Variants in ARHGEF19 observed in about 807,000 individuals in gnomAD.
ARHGEF19 encodes Rho guanine nucleotide exchange factor 19.
In ARHGEF19, 92 loss-of-function variants were observed where a neutral mutation model predicts 87.6. The observed-to-expected ratio is 1.05, with a 90% CI of 0.89 to 1.25. ARHGEF19 has a LOEUF of 1.25. ARHGEF19 is among the 50% of genes most tolerant of loss of function. ARHGEF19 has a pLI of 0.00. For synonymous variants in ARHGEF19, 438 were observed against 446.2 expected, an observed-to-expected ratio of 0.98 and a Z score of 0.23; for missense variants, 1,054 against 1,051.8, an observed-to-expected ratio of 1.00 and a Z score of -0.03.
intron 14 of ARHGEF19, 108 bp downstream of exon 14, chr1:16,201,674 G>C: frequency 8.5e-7 from 1 of 1,170,468 alleles, no homozygotes; most frequent in Non-Finnish European, 1.2e-6. Flanking sequence ...CCCAGAAGTT[G>C]GTCTCTCTCC....
Position 16,207,599 on chromosome 1 carries a change from C to T in ARHGEF19, c.798-1G>A, listed in dbSNP as rs984351777. The T allele has an allele frequency of 2.5e-6, 4 of 1,613,990 alleles. No individual in the cohort carries two copies. The Admixed American group carries it at 6.7e-5, about 27-fold the overall frequency. On this transcript the variant is annotated splice_acceptor_variant, in intron 4 of 15. Transcript: ENST00000270747. LOFTEE classifies it high-confidence loss of function. The surrounding 1 kb of genome is among the most constrained non-coding windows in gnomAD (Gnocchi z 4.0). ...AGGCGGCTCTTCCTGTGTGTCTAGC[C>T]TAGGAAAGAGAGAGCGTCACGGCCC...
intron 14 of ARHGEF19, among the ~76,000 whole-genome samples, chr1:16,201,273 GCTCT>G (rs758059705): frequency 6.6e-6 from 1 of 152,130 alleles, no homozygotes; most frequent in Non-Finnish European, 1.5e-5. Context: ...CTATAGGAAG[GCTCT>G]CTATGATTAG....
Position 16,208,883 on chromosome 1 carries a change from G to T in ARHGEF19, c.172C>A (p.Leu58Ile). ...GACCAGCGGCTGCCAGGAGCCCGAA[G>T]CTCCTCTGGGGCAACAGGGAAAAGG... ...LDLFPVAPEE[L>I]RAPGSRWSLG... Residue 58 changes from leucine to isoleucine, a missense_variant, in exon 2 of 16, where the codon CTT becomes ATT. Transcript: ENST00000270747. 6.2e-7 allele frequency: 1 copy of T among 1,602,800 alleles called. No individual in the cohort carries two copies.
rs1471935438 is a variant in ARHGEF19, at chr1:16,206,144, G to A, written c.1298+36C>T. 1.3e-6 allele frequency: 2 copies of A among 1,584,086 alleles called. No homozygotes were observed. Among genetic ancestry groups the A allele is most frequent in the South Asian group, 1.1e-5 (1 of 87,020 alleles). ...TGGGAGCTGGCCAACCACTGGCTCC[G>A]TCCCCACCCCGGGCCAGGCCAGACC... On this transcript the variant is annotated intron_variant, in intron 7 of 15. Transcript: ENST00000270747. This position sits in a 1 kb window ranked among gnomAD's most constrained non-coding sequence, Gnocchi z 4.6.
chr1:16,198,722 C>T lies in ARHGEF19; in HGVS notation c.2274G>A (p.Leu758=). 15 of 1,608,726 alleles carry T rather than the reference C, an allele frequency of 9.3e-6. No individual in the cohort carries two copies. The highest frequency in any genetic ancestry group is 1.3e-5 in the Non-Finnish European group (15 of 1,176,986). ...TSDGWLEGVR[L]ADGEKGWVPQ... is the part of the protein sequence containing the mutation. ...GCACCCACCCCTTCTCACCATCTGC[C>T]AGGCGGACCCCTTCCAGCCAGCCTA... The change falls in exon 16 of 16, where the codon CTG becomes CTA. Residue 758 remains leucine, a synonymous_variant. Coordinates refer to ENST00000270747, the MANE Select transcript of ARHGEF19 (RefSeq NM_153213.5). The surrounding 1 kb of genome is among the most constrained non-coding windows in gnomAD (Gnocchi z 4.1).
chr1:16,207,883 G>GGGGGC lies in ARHGEF19; in HGVS notation c.694+60_694+61insGCCCC. 6.8e-7 allele frequency: 1 copy of GGGGGC among 1,476,432 alleles called. No homozygotes were observed. Among genetic ancestry groups the GGGGGC allele is most frequent in the Non-Finnish European group, 9.4e-7 (1 of 1,069,262 alleles). 91.5% of individuals were successfully genotyped at this position (1,476,432 alleles called of 1,614,324 possible). A position where few individuals can be genotyped will look rare whatever the true frequency, so the allele number is the denominator to read the frequency against. Reference sequence around the variant, plus strand: ...CTCAGGCGGCCGGTGAGTGGGCATCGCCCACCCCCACCCCCACCCGGCATC... The same window carrying GGGGGC: ...CTCAGGCGGCCGGTGAGTGGGCATCGGGGGCCCCACCCCCACCCCCACCCGGCATC... On this transcript the variant is annotated intron_variant, in intron 3 of 15. Coordinates refer to ENST00000270747, the MANE Select transcript of ARHGEF19 (RefSeq NM_153213.5). This position sits in a 1 kb window ranked among gnomAD's most constrained non-coding sequence, Gnocchi z 4.0.
intron 12 of ARHGEF19, among the ~76,000 whole-genome samples, chr1:16,203,382 G>T (rs183674461): frequency 6.6e-6 from 1 of 152,144 alleles, no homozygotes; most frequent in Admixed American, 6.5e-5. Flanking sequence ...TGGTAGCTAT[G>T]TCCTGTCTTT....
At chr1:16,202,793 G>A (rs530504418) in intron 12 of ARHGEF19, among the ~76,000 whole-genome samples, 63 of 152,316 alleles carry the variant, frequency 4.1e-4, no homozygotes, top group Middle Eastern at 3.4e-3. Flanking sequence ...GGAGGTGATG[G>A]AGACCAGTCC....
At chr1:16,209,679 C>T (rs866061926) in intron 1 of ARHGEF19, among the ~76,000 whole-genome samples, 20 of 152,242 alleles carry the variant, frequency 1.3e-4, no homozygotes, top group Middle Eastern at 3.2e-3. Flanking sequence ...CTGACCCGTC[C>T]GATATTTACA....
intron 2 of ARHGEF19, 98 bp from the exon 3 acceptor site, chr1:16,208,323 C>T (rs1557542864): frequency 7.1e-7 from 1 of 1,406,242 alleles, no homozygotes; most frequent in Non-Finnish European, 9.5e-7. Flanking sequence ...GAGGTTCAGG[C>T]ACCATGCCCA....
At chr1:16,203,306 G>C (rs750923971) in intron 12 of ARHGEF19, among the ~76,000 whole-genome samples, 5 of 152,098 alleles carry the variant, frequency 3.3e-5, no homozygotes, top group African/African-American at 4.8e-5. Flanking sequence ...GACCCCACCA[G>C]TTTGCCCAAG....
At chr1:16,208,552 A>G (rs772884177) in intron 2 of ARHGEF19, 91 bp downstream of exon 2, 240 of 1,441,954 alleles carry the variant, frequency 1.7e-4, no homozygotes, top group Non-Finnish European at 2.1e-4. Context: ...CTTTTGGGGG[A>G]ACCTTGGGAC....
At chr1:16,199,311 C>A in intron 14 of ARHGEF19, 57 bp from the exon 15 acceptor site, 3 of 1,466,540 alleles carry the variant, frequency 2.0e-6, no homozygotes, top group Admixed American at 1.7e-5. Flanking sequence ...GGGGGAGGAG[C>A]ATGGGTAGGG....
In ARHGEF19 at chr1:16,207,312, G is replaced by A. The variant is rs1353866755; in HGVS notation, c.875-102C>T. On this transcript the variant is annotated intron_variant, in intron 5 of 15. Coordinates refer to ENST00000270747, the MANE Select transcript of ARHGEF19 (RefSeq NM_153213.5). This position sits in a 1 kb window ranked among gnomAD's most constrained non-coding sequence, Gnocchi z 4.0. ...GCCCGCGTCACTTAACCTTTGCCGCGGTTCGGATATCTGGACACAGTGAAT... is the reference window on the plus strand; with the variant it reads ...GCCCGCGTCACTTAACCTTTGCCGCAGTTCGGATATCTGGACACAGTGAAT... The A allele has an allele frequency of 2.1e-6, 3 of 1,425,360 alleles. No individual in the cohort carries two copies. The highest frequency in any genetic ancestry group is 2.9e-5 in the African/African-American group (2 of 69,020). The allele number at this position is 1,425,360 out of a possible 1,614,324, so 88.3% of individuals were successfully genotyped here.
Position 16,207,346 on chromosome 1 carries a change from TC to T in ARHGEF19, c.875-137del. Reference sequence around the variant, plus strand: ...ATCTGGACACAGTGAATTCATTCATTCATTCATTCATTCCATAAACAAATTG... The same window carrying T: ...ATCTGGACACAGTGAATTCATTCATTATTCATTCATTCCATAAACAAATTG... On this transcript the variant is annotated intron_variant, in intron 5 of 15. Coordinates refer to ENST00000270747, the MANE Select transcript of ARHGEF19 (RefSeq NM_153213.5). The surrounding 1 kb of genome is among the most constrained non-coding windows in gnomAD (Gnocchi z 4.0). The T allele has an allele frequency of 7.5e-6, 10 of 1,330,778 alleles. No individual in the cohort carries two copies. The highest frequency in any genetic ancestry group is 1.0e-5 in the Non-Finnish European group (10 of 995,338). 82.4% of individuals were successfully genotyped at this position (1,330,778 alleles called of 1,614,324 possible). A position where few individuals can be genotyped will look rare whatever the true frequency, so the allele number is the denominator to read the frequency against.
intron 12 of ARHGEF19, among the ~76,000 whole-genome samples, chr1:16,203,673 C>T (rs1317558148): frequency 6.6e-6 from 1 of 152,180 alleles, no homozygotes; most frequent in Non-Finnish European, 1.5e-5. Context: ...GATTCCCAAA[C>T]ACACATTCCG....
In ARHGEF19 at chr1:16,208,770, C is replaced by T. The variant is rs2081170009; in HGVS notation, c.285G>A (p.Arg95=). 8 of 1,612,846 alleles carry T rather than the reference C, an allele frequency of 5.0e-6. No individual in the cohort carries two copies. The highest frequency in any genetic ancestry group is 5.9e-6 in the Non-Finnish European group (7 of 1,179,650). The change falls in exon 2 of 16, where the codon CGG becomes CGA. Residue 95 remains arginine (R), a synonymous_variant. Transcript: ENST00000270747. ...SDTEITSGGM[R]PSRAGSWPHC... ...GTGGCCAGCTGCCAGCCCTGCTGGGCCGCATCCCCCCGCTGGTGATCTCTG... is the reference window on the plus strand; with the variant it reads ...GTGGCCAGCTGCCAGCCCTGCTGGGTCGCATCCCCCCGCTGGTGATCTCTG...
At position 16,206,862 on chromosome 1, in the gene ARHGEF19, C is replaced by T; in HGVS notation, c.1137+86G>A. On this transcript the variant is annotated intron_variant, in intron 6 of 15. Coordinates refer to ENST00000270747, the MANE Select transcript of ARHGEF19 (RefSeq NM_153213.5). This position sits in a 1 kb window ranked among gnomAD's most constrained non-coding sequence, Gnocchi z 4.6. ...AGCAACCCCCTTTGTGTGTCCCCCT[C>T]CCTCTATGGCCCGGTTCCCGCTAAG... The T allele has an allele frequency of 7.3e-7, 1 of 1,361,828 alleles. No individual in the cohort carries two copies. The highest frequency in any genetic ancestry group is 9.4e-7 in the Non-Finnish European group (1 of 1,058,988). The allele number at this position is 1,361,828 out of a possible 1,614,324, so 84.4% of individuals were successfully genotyped here.
At chr1:16,202,391 C>G in intron 13 of ARHGEF19, 25 bp downstream of exon 13, 1 of 1,584,218 alleles carries the variant, frequency 6.3e-7, no homozygotes, top group South Asian at 1.1e-5. Flanking sequence ...GGAGCCTCCT[C>G]TCTCCCATAT....
Sources: allele counts gnomAD v4.1 joint callset (sites outside exome capture counted in the v4.1 genomes callset), GRCh38; gene constraint gnomAD v4.1.1; non-coding constraint Gnocchi (gnomAD v3.1); transcripts MANE v1.5; gene names NCBI Gene and HGNC (gene_info 2026-07-23, HGNC 2026-07-21).